PDSS2: variants seen among roughly 807,000 people sequenced by gnomAD.
The protein encoded by PDSS2 is all trans-polyprenyl-diphosphate synthase PDSS2.
In PDSS2, 31 loss-of-function variants were observed where a neutral mutation model predicts 44.5. The observed-to-expected ratio is 0.70, with a 90% CI of 0.52 to 0.94. The LOEUF is 0.94. PDSS2 is among the 40% of genes least tolerant of loss of function. The pLI, the probability that PDSS2 is intolerant of heterozygous loss-of-function variation, is 0.00. For missense variants in PDSS2, 452 were observed against 482.2 expected (o/e 0.94, Z 0.59); for synonymous variants, 157 against 180.3 (o/e 0.87, Z 1.03).
intron 7 of PDSS2, among the ~76,000 whole-genome samples, chr6:107,177,236 T>A (rs1292557643): frequency 6.6e-6 from 1 of 151,784 alleles, no homozygotes; most frequent in East Asian, 1.9e-4. Flanking sequence ...GTTCAAGTGA[T>A]TCTTGTGCCT....
At chr6:107,384,513 C>T (rs894098054) in intron 1 of PDSS2, among the ~76,000 whole-genome samples, 4 of 151,740 alleles carry the variant, frequency 2.6e-5, no homozygotes, top group East Asian at 1.9e-4. Flanking sequence ...TGGTGGCGGG[C>T]GCCTGTAATC....
chr6:107,274,080 GTC>G lies in PDSS2; in HGVS notation c.577_578del (p.Asp193LeufsTer36). Reference protein sequence around the residue: ...FGNKIAILSGDFLLANACNGL... With the variant: ...FGNKIAILSGXFLLANACNGL... ...CATTGCAGGCATTTGCTAGAAGAAA[GTC>G]TCCACTCAGGATAGCAATTTTATTT... On this transcript the variant is annotated frameshift_variant, in exon 3 of 8. Coordinates refer to ENST00000369037, the MANE Select transcript of PDSS2 (RefSeq NM_020381.4). LOFTEE classifies it high-confidence loss of function. 6.2e-7 allele frequency: 1 copy of G among 1,614,062 alleles called. No individual in the cohort carries two copies. Among genetic ancestry groups the G allele is most frequent in the East Asian group, 2.2e-5 (1 of 44,880 alleles).
At chr6:107,448,652 C>A (rs575062925) in intron 1 of PDSS2, among the ~76,000 whole-genome samples, 17 of 152,364 alleles carry the variant, frequency 1.1e-4, no homozygotes, top group Non-Finnish European at 2.1e-4. Flanking sequence ...ACTGTTCCAA[C>A]CTCTGCCTGT....
At chr6:107,234,294 C>T (rs1031099464) in intron 4 of PDSS2, among the ~76,000 whole-genome samples, 2 of 152,002 alleles carry the variant, frequency 1.3e-5, no homozygotes, top group Non-Finnish European at 2.9e-5. Flanking sequence ...CAACCTCTAC[C>T]TCCTAGGTTC....
intron 1 of PDSS2, among the ~76,000 whole-genome samples, chr6:107,390,136 C>T (rs974247283): frequency 1.3e-5 from 2 of 152,028 alleles, no homozygotes; most frequent in East Asian, 3.8e-4. Context: ...TACACAGATA[C>T]CCTCCAAGAG....
intron 7 of PDSS2, among the ~76,000 whole-genome samples, chr6:107,170,619 C>G (rs55755869): frequency 2.4e-5 from 2 of 82,744 alleles, no homozygotes; most frequent in Non-Finnish European, 5.1e-5. Flanking sequence ...CCCCCCCCCC[C>G]ACTTTTTTTT....
At chr6:107,237,269 G>GT (rs1774255767) in intron 4 of PDSS2, among the ~76,000 whole-genome samples, 1 of 151,772 alleles carries the variant, frequency 6.6e-6, no homozygotes, top group Admixed American at 6.6e-5. Context: ...ATGAGATGGA[G>GT]TTTTGCTTTT....
At chr6:107,390,262 G>C (rs894998325) in intron 1 of PDSS2, among the ~76,000 whole-genome samples, 6 of 152,104 alleles carry the variant, frequency 3.9e-5, no homozygotes, top group Non-Finnish European at 8.8e-5. Context: ...ACCTTGGCCA[G>C]ATGATCAAGA....
At chr6:107,437,465 T>C (rs1781385406) in intron 1 of PDSS2, among the ~76,000 whole-genome samples, 1 of 144,158 alleles carries the variant, frequency 6.9e-6, no homozygotes, top group Non-Finnish European at 1.5e-5. Context: ...GCAGAGGCTA[T>C]AGTGAGCCAA....
intron 2 of PDSS2, among the ~76,000 whole-genome samples, chr6:107,324,249 T>C (rs182309801): frequency 6.6e-6 from 1 of 152,316 alleles, no homozygotes; most frequent in South Asian, 2.1e-4. Context: ...ATACAATCAA[T>C]AGGAATATGT....
At chr6:107,175,125 T>C (rs1469948030) in intron 7 of PDSS2, among the ~76,000 whole-genome samples, 1 of 151,836 alleles carries the variant, frequency 6.6e-6, no homozygotes, top group East Asian at 1.9e-4. Context: ...GGCAGGAGAA[T>C]TGCTTGAACC....
chr6:107,175,962 C>G (rs6941678), intron 7 of PDSS2, among the ~76,000 whole-genome samples: 103,473 of 152,030 alleles, frequency 0.68, 35,326 homozygotes, highest in South Asian at 0.8. Flanking sequence ...CAAAGGCACT[C>G]ACTGCAGTAG....
intron 1 of PDSS2, among the ~76,000 whole-genome samples, chr6:107,407,267 T>C (rs1437977574): frequency 6.6e-6 from 1 of 152,082 alleles, no homozygotes; most frequent in Non-Finnish European, 1.5e-5. Flanking sequence ...GAGACAAAAA[T>C]AGAATAGATG....
chr6:107,162,610 A>ATTT lies in PDSS2; in HGVS notation c.1042-7836_1042-7834dup, dbSNP rs71012782. ...TTTTTATTTTGTCAAGAATTCCCTA[A>ATTT]TTTTTTTTTTTTTTTGAGATGGAGT... On this transcript the variant is annotated intron_variant, in intron 7 of 7. Coordinates refer to ENST00000369037, the MANE Select transcript of PDSS2 (RefSeq NM_020381.4). Among the ~76,000 whole-genome samples, 39 of 115,562 alleles carry ATTT rather than the reference A, an allele frequency of 3.4e-4. 3 individuals carry two copies. Among genetic ancestry groups the ATTT allele is most frequent in the African/African-American group, 7.3e-4 (21 of 28,680 alleles). The allele number at this position is 115,562 out of a possible 152,430, so 75.8% of individuals were successfully genotyped here.
At chr6:107,447,884 CA>C (rs1007524295) in intron 1 of PDSS2, among the ~76,000 whole-genome samples, 23 of 152,220 alleles carry the variant, frequency 1.5e-4, no homozygotes, top group African/African-American at 5.5e-4. Context: ...CAGGAATTTC[CA>C]TACTTCCTCT....
rs532932848 is a variant in PDSS2, at chr6:107,382,011, A to G, written c.297-47679T>C. Among the ~76,000 whole-genome samples, 8 of 152,300 alleles carry G rather than the reference A, an allele frequency of 5.3e-5. No homozygotes were observed. The South Asian group carries it at 1.7e-3, about 32-fold the overall frequency. ...TTGAGAAATTTGAACTTTATTCTGA[A>G]AGTAATGGGGAGCCTCTGAAGAATT... is the stretch of plus-strand genomic sequence containing the variant. On this transcript the variant is annotated intron_variant, in intron 1 of 7. Coordinates refer to ENST00000369037, the MANE Select transcript of PDSS2 (RefSeq NM_020381.4).
intron 1 of PDSS2, among the ~76,000 whole-genome samples, chr6:107,391,079 G>C (rs1779764913): frequency 6.6e-6 from 1 of 150,822 alleles, no homozygotes; most frequent in Admixed American, 6.6e-5. Flanking sequence ...GATGATTTGT[G>C]ATTAAAAGAC....
intron 2 of PDSS2, among the ~76,000 whole-genome samples, chr6:107,290,846 G>T (rs1056873849): frequency 1.3e-5 from 2 of 151,864 alleles, no homozygotes; most frequent in African/African-American, 2.4e-5. Flanking sequence ...AGCTCTTATT[G>T]CCATGTGACA....
intron 6 of PDSS2, among the ~76,000 whole-genome samples, chr6:107,204,729 C>T (rs1772914544): frequency 6.6e-6 from 1 of 152,184 alleles, no homozygotes; most frequent in African/African-American, 2.4e-5. Context: ...TGTCTTTCCT[C>T]TATGCTCCCC....
Sources: allele counts gnomAD v4.1 joint callset (sites outside exome capture counted in the v4.1 genomes callset), GRCh38; gene constraint gnomAD v4.1.1; transcripts MANE v1.5; gene names NCBI Gene and HGNC (gene_info 2026-07-23, HGNC 2026-07-21).